Variants in ZFYVE26 observed in about 807,000 individuals in gnomAD.
ZFYVE26 encodes zinc finger FYVE domain-containing protein 26.
In ZFYVE26, 181 loss-of-function variants were observed where a neutral mutation model predicts 276.5. The ratio of observed to expected loss-of-function variants is 0.65; its 90% confidence interval spans 0.58 to 0.74. The LOEUF (loss-of-function observed/expected upper bound fraction) is 0.74. Among genes scored for constraint, ZFYVE26 ranks in the 30% least tolerant of loss-of-function variants. ZFYVE26 has a pLI of 0.00. For missense variants in ZFYVE26, 2,821 were observed against 3,097.9 expected, an observed-to-expected ratio of 0.91 and a Z score of 2.12; for synonymous variants, 1,129 against 1,203.1, an observed-to-expected ratio of 0.94 and a Z score of 1.27.
intron 9 of ZFYVE26, among the ~76,000 whole-genome samples, chr14:67,803,606 G>A (rs1000770095): frequency 2.6e-5 from 4 of 152,168 alleles, no homozygotes; most frequent in Non-Finnish European, 5.9e-5. Context: ...GCCTCCCAAA[G>A]TGCTGGGATT....
Position 67,802,270 on chromosome 14 carries a change from G to A in ZFYVE26, c.1448C>T (p.Ala483Val), listed in dbSNP as rs975001496. ...CTGGCTCAGGTGCTCAGGGACTGGA[G>A]CATCAACTGCATCTGAATTACAAAG... ...DPQQEPDAVD[A>V]PVPEHLSQCQ... is the part of the protein sequence containing the mutation. The change falls in exon 10 of 42, where the codon GCT becomes GTT. Residue 483 changes from alanine to valine, a missense_variant. Physicochemically the swap from Ala to Val is moderately conservative, Grantham distance 64. Coordinates refer to ENST00000347230, the MANE Select transcript of ZFYVE26 (RefSeq NM_015346.4). The A allele has an allele frequency of 1.2e-6, 2 of 1,614,054 alleles. No homozygotes were observed. The highest frequency in any genetic ancestry group is 2.7e-5 in the African/African-American group (2 of 74,936).
chr14:67,815,504 T>C (rs1037000285), intron 2 of ZFYVE26: 2 of 532,108 alleles, frequency 3.8e-6, no homozygotes, highest in Non-Finnish European at 6.8e-6. Flanking sequence ...CCACCATCTA[T>C]ATTAACGAGG....
intron 1 of ZFYVE26, 137 bp downstream of exon 1, chr14:67,816,397 T>A (rs887064037): frequency 1.2e-5 from 2 of 163,074 alleles, no homozygotes; most frequent in African/African-American, 4.8e-5. Flanking sequence ...TTGAGCCCTC[T>A]GTTAAGGCAG....
intron 32 of ZFYVE26, among the ~76,000 whole-genome samples, chr14:67,764,980 T>C (rs966867856): frequency 3.3e-5 from 5 of 152,336 alleles, no homozygotes; most frequent in African/African-American, 1.2e-4. Context: ...TATTTGAATA[T>C]ATTTTTACTT....
intron 13 of ZFYVE26, among the ~76,000 whole-genome samples, chr14:67,733,025 G>T (rs2038304555): frequency 6.6e-6 from 1 of 152,094 alleles, no homozygotes; most frequent in Non-Finnish European, 1.5e-5. Flanking sequence ...AATGCTAAAT[G>T]ACGAGTTCAT....
downstream of ZFYVE26, among the ~76,000 whole-genome samples, chr14:67,746,122 G>A (rs1200946354): frequency 6.6e-6 from 1 of 152,072 alleles, no homozygotes; most frequent in Non-Finnish European, 1.5e-5. Context: ...AATAATTGTG[G>A]TATAGCTTCA....
chr14:67,756,330 TC>T, intron 35 of ZFYVE26, 185 bp from the exon 36 acceptor site: 1 of 690,848 alleles, frequency 1.4e-6, no homozygotes, highest in Non-Finnish European at 2.5e-6. Context: ...CTTCTCTCCT[TC>T]CTTTTACAGA....
chr14:67,786,299 C>T (rs2140228474), intron 16 of ZFYVE26, 66 bp from the exon 17 acceptor site: 1 of 1,518,258 alleles, frequency 6.6e-7, no homozygotes, highest in Non-Finnish European at 8.9e-7. Context: ...GAGATTGACA[C>T]TCAGTCCTGT....
At chr14:67,733,883 C>G (rs550198065) in intron 13 of ZFYVE26, 3 of 1,491,938 alleles carry the variant, frequency 2.0e-6, no homozygotes, top group Non-Finnish European at 2.8e-6. Flanking sequence ...CAGGCCCAAT[C>G]CATGCCATAA....
intron 14 of ZFYVE26, among the ~76,000 whole-genome samples, chr14:67,791,138 T>C (rs919878732): frequency 6.6e-6 from 1 of 152,220 alleles, no homozygotes; most frequent in Non-Finnish European, 1.5e-5. Context: ...CCTCAGGAGA[T>C]GGTGTAACAT....
At chr14:67,813,518 T>C (rs1465108085) in intron 3 of ZFYVE26, among the ~76,000 whole-genome samples, 4 of 152,180 alleles carry the variant, frequency 2.6e-5, no homozygotes, top group Non-Finnish European at 5.9e-5. Context: ...CTTGTTTTTA[T>C]ATCTGGTAAT....
chr14:67,737,088 CTT>C lies in ZFYVE26; in HGVS notation n.2680-7271_2680-7270del, dbSNP rs71129855. Among the ~76,000 whole-genome samples the C allele has an allele frequency of 5.3e-3, 554 of 104,800 alleles. 3 individuals carry two copies. Among genetic ancestry groups the C allele is most frequent in the East Asian group, 0.014 (54 of 3,728 alleles). The allele number at this position is 104,800 out of a possible 152,430, so 68.8% of individuals were successfully genotyped here. ...TAAGTGCTTCATTTCTTTTTCTTTTCTTTTTTTTTTTTTTTTTTTCGGTAGAG... is the reference window on the plus strand; with the variant it reads ...TAAGTGCTTCATTTCTTTTTCTTTTCTTTTTTTTTTTTTTTTTCGGTAGAG... On this transcript the variant is annotated intron_variant and non_coding_transcript_variant, in intron 13 of 14. Coordinates refer to the ZFYVE26 transcript ENST00000394455.
intron 13 of ZFYVE26, among the ~76,000 whole-genome samples, chr14:67,739,509 TTTAA>T (rs1196177616): frequency 1.3e-5 from 2 of 149,736 alleles, no homozygotes; most frequent in African/African-American, 4.9e-5. Context: ...TAACCTACTT[TTTAA>T]TTTTTTTTTT....
chr14:67,743,680 T>C (rs963668485), downstream of ZFYVE26, among the ~76,000 whole-genome samples: 1 of 151,846 alleles, frequency 6.6e-6, no homozygotes. Context: ...TTCCAGGAGG[T>C]AGTCAAAAGG....
At chr14:67,794,437 G>C (rs1450719613) in intron 12 of ZFYVE26, among the ~76,000 whole-genome samples, 198 bp from the exon 13 acceptor site, 1 of 152,204 alleles carries the variant, frequency 6.6e-6, no homozygotes, top group Non-Finnish European at 1.5e-5. Flanking sequence ...TATGGCAACA[G>C]AGTTCACCTG....
chr14:67,772,591 A>C (rs2039241053), intron 27 of ZFYVE26, among the ~76,000 whole-genome samples: 1 of 152,176 alleles, frequency 6.6e-6, no homozygotes, highest in African/African-American at 2.4e-5. Flanking sequence ...ACAAATAAAA[A>C]AGAGGTAGGG....
Position 67,804,166 on chromosome 14 carries a change from A to G in ZFYVE26, c.1370T>C (p.Leu457Pro), listed in dbSNP as rs761790130. 1 of 1,614,154 alleles carries G rather than the reference A, an allele frequency of 6.2e-7. No individual in the cohort carries two copies. The highest frequency in any genetic ancestry group is 8.5e-7 in the Non-Finnish European group (1 of 1,180,034). ...GAGCTTGAGAACATCTTCCTCCCTG[A>G]GGGCTGGAAGGTTTGTAAGGTGATG... ...TLHHLTNLPA[L>P]REEDVLKLLQ... The change falls in exon 9 of 42, where the codon CTC becomes CCC. Residue 457 changes from leucine to proline, a missense_variant. Transcript: ENST00000347230.
At chr14:67,778,066 T>A (rs369509118) in intron 24 of ZFYVE26, 60 bp downstream of exon 24, 1 of 1,610,558 alleles carries the variant, frequency 6.2e-7, no homozygotes, top group African/African-American at 1.3e-5. Context: ...TAAAGCCATC[T>A]GATTTGACTA....
rs375610616 is a variant in ZFYVE26 at position 67,809,660 on chromosome 14, G to A, written c.274-371C>T. ...TGGTCTGGAACTCCTGACCTCAAGTGTTCCACTCACCTCGGCCTCCCAAAG... is the reference window on the plus strand; with the variant it reads ...TGGTCTGGAACTCCTGACCTCAAGTATTCCACTCACCTCGGCCTCCCAAAG... On this transcript the variant is annotated intron_variant, in intron 3 of 41. Transcript: ENST00000347230. 3.6e-4 allele frequency among the ~76,000 whole-genome samples: 54 copies of A among 151,846 alleles called. 3 individuals carry two copies. Among genetic ancestry groups the A allele is most frequent in the East Asian group, 3.1e-3 (16 of 5,182 alleles).
Sources: allele counts gnomAD v4.1 joint callset (sites outside exome capture counted in the v4.1 genomes callset), GRCh38; gene constraint gnomAD v4.1.1; transcripts MANE v1.5; gene names NCBI Gene and HGNC (gene_info 2026-07-23, HGNC 2026-07-21).